GLIS3: variants seen among roughly 807,000 people sequenced by gnomAD.
The protein encoded by GLIS3 is zinc finger protein GLIS3.
In GLIS3, 53 loss-of-function variants were observed where a neutral mutation model predicts 78.6. The observed-to-expected ratio is 0.67, with a 90% CI of 0.54 to 0.85. The LOEUF is 0.85. Ranked by LOEUF, GLIS3 falls within the 40% of genes least tolerant of loss-of-function variation. The pLI, the probability that GLIS3 is intolerant of heterozygous loss-of-function variation, is 0.00. For missense variants in GLIS3, 1,703 were observed against 1,231.1 expected (o/e 1.38, Z -5.74); for synonymous variants, 684 against 509.9 (o/e 1.34, Z -4.60).
chr9:4,437,716 C>A, the GLIS3 span, among the ~76,000 whole-genome samples: 1 of 152,088 alleles, frequency 6.6e-6, no homozygotes, highest in African/African-American at 2.4e-5. Context: ...CTCCCTCTGC[C>A]ACCTCTGAAA....
chr9:4,366,817 G>A, the GLIS3 span, among the ~76,000 whole-genome samples: 1 of 152,166 alleles, frequency 6.6e-6, no homozygotes, highest in Non-Finnish European at 1.5e-5. Flanking sequence ...CTTGTCACTG[G>A]AAAATGGCCA....
chr9:4,276,618 C>T (rs1827054506), intron 2 of GLIS3, among the ~76,000 whole-genome samples: 1 of 151,876 alleles, frequency 6.6e-6, no homozygotes, highest in South Asian at 2.1e-4. Context: ...TCCATTTCTG[C>T]TTCATGTCCT....
the GLIS3 span, among the ~76,000 whole-genome samples, chr9:4,396,926 C>T: frequency 2.0e-5 from 3 of 151,988 alleles, no homozygotes; most frequent in African/African-American, 7.2e-5. Context: ...TCTGGGAAAA[C>T]GCCCAGGCAC....
chr9:4,188,879 TTCTC>T (rs1157427939), intron 2 of GLIS3, among the ~76,000 whole-genome samples: 4 of 152,186 alleles, frequency 2.6e-5, no homozygotes, highest in Non-Finnish European at 5.9e-5. Flanking sequence ...TATTTCACTC[TTCTC>T]TCTTTTTTTC....
At chr9:4,310,376 G>A (rs1817330452) in intron 3 of GLIS3, 1 of 152,136 alleles carries the variant, frequency 6.6e-6, no homozygotes, top group East Asian at 1.9e-4. Context: ...GTGAATGGGG[G>A]ATAAAGAAAA....
In GLIS3 at chr9:3,981,769, T is replaced by C. The variant is rs893755296; in HGVS notation, c.1711-44580A>G. Among the ~76,000 whole-genome samples, 29 of 152,180 alleles carry C rather than the reference T, an allele frequency of 1.9e-4. 2 individuals are homozygous for C. The highest frequency in any genetic ancestry group is 1.6e-3 in the Admixed American group (25 of 15,278). Reference sequence around the variant, plus strand: ...GAAGACATCATACTAATACTTTTCATGAGACCTCTTGTAGCATATAACCTT... The same window carrying C: ...GAAGACATCATACTAATACTTTTCACGAGACCTCTTGTAGCATATAACCTT... On this transcript the variant is annotated intron_variant, in intron 4 of 10. Transcript: ENST00000381971.
intron 2 of GLIS3, among the ~76,000 whole-genome samples, chr9:4,330,899 G>A (rs1486472099): frequency 3.9e-5 from 6 of 152,188 alleles, no homozygotes; most frequent in Non-Finnish European, 8.8e-5. Flanking sequence ...TGCCATTAGA[G>A]CAAGCACTGT....
chr9:4,384,134 CTG>C, the GLIS3 span, among the ~76,000 whole-genome samples: 1 of 152,220 alleles, frequency 6.6e-6, no homozygotes, highest in East Asian at 1.9e-4. Context: ...GCCCAGCACA[CTG>C]TACACAGATC....
rs1817846206 is a variant in GLIS3 at position 3,828,396 on chromosome 9, G to T, written c.2669C>A (p.Pro890His). ...CCCAAAGAGGCTCGAGGAACTTGAAGGTAAATCATACACTGGAAGAGAAAG... is the reference window on the plus strand; with the variant it reads ...CCCAAAGAGGCTCGAGGAACTTGAATGTAAATCATACACTGGAAGAGAAAG... ...THSGITVYDL[P>H]SSSSSLFGES... is the part of the protein sequence containing the mutation. Residue 890 changes from proline (P) to histidine (H), a missense_variant, in exon 11 of 11, where the codon CCT becomes CAT. Coordinates refer to ENST00000381971, the MANE Select transcript of GLIS3 (RefSeq NM_001042413.2). 6.2e-7 allele frequency: 1 copy of T among 1,613,218 alleles called. No individual in the cohort carries two copies. Among genetic ancestry groups the T allele is most frequent in the African/African-American group, 1.3e-5 (1 of 74,922 alleles).
chr9:4,412,955 G>A, the GLIS3 span, among the ~76,000 whole-genome samples: 1 of 152,190 alleles, frequency 6.6e-6, no homozygotes, highest in Non-Finnish European at 1.5e-5. Flanking sequence ...ACCACGTGGA[G>A]CACAGTCTCT....
At chr9:3,929,331 C>T (rs551205028) in intron 6 of GLIS3, among the ~76,000 whole-genome samples, 2 of 152,184 alleles carry the variant, frequency 1.3e-5, no homozygotes, top group Admixed American at 6.5e-5. Flanking sequence ...CATTCCTTTG[C>T]AGAAGAGTTT....
At chr9:4,031,545 T>C (rs1324879276) in intron 4 of GLIS3, among the ~76,000 whole-genome samples, 1 of 152,236 alleles carries the variant, frequency 6.6e-6, no homozygotes, top group African/African-American at 2.4e-5. Context: ...TGATAATGTT[T>C]CAAAACTTGA....
In GLIS3 at chr9:3,998,577, C is replaced by T. The variant is rs540088844; in HGVS notation, c.1711-61388G>A. On this transcript the variant is annotated intron_variant, in intron 4 of 10. Coordinates refer to ENST00000381971, the MANE Select transcript of GLIS3 (RefSeq NM_001042413.2). ...AAGATTTCTTTGCAGATTTTTTGTC[C>T]TTAAAATTTGTCCCACAAAAATATA... 2.6e-5 allele frequency among the ~76,000 whole-genome samples: 4 copies of T among 151,406 alleles called. No individual in the cohort carries two copies. The East Asian group carries it at 7.7e-4, about 29-fold the overall frequency.
intron 2 of GLIS3, among the ~76,000 whole-genome samples, chr9:4,277,325 G>C: frequency 6.6e-6 from 1 of 152,160 alleles, no homozygotes; most frequent in Non-Finnish European, 1.5e-5. Context: ...CTAACCAACT[G>C]ACCAAGCAAG....
intron 4 of GLIS3, among the ~76,000 whole-genome samples, chr9:4,106,725 T>C (rs1041514536): frequency 1.3e-5 from 2 of 152,158 alleles, no homozygotes; most frequent in Non-Finnish European, 2.9e-5. Flanking sequence ...TTCAGGGTCT[T>C]AGTAAAATAG....
chr9:3,850,314 GC>G (rs534031597), intron 9 of GLIS3, among the ~76,000 whole-genome samples: 40 of 152,308 alleles, frequency 2.6e-4, no homozygotes, highest in Non-Finnish European at 5.3e-4. Context: ...CTGGGAGGGA[GC>G]CCCCTGGGAC....
At chr9:3,864,686 A>G (rs559481791) in intron 8 of GLIS3, among the ~76,000 whole-genome samples, 1 of 152,334 alleles carries the variant, frequency 6.6e-6, no homozygotes, top group South Asian at 2.1e-4. Flanking sequence ...ATTGAATGTC[A>G]GGTGCAGGAA....
chr9:4,123,029 T>A lies in GLIS3; in HGVS notation c.596+2705A>T, dbSNP rs1449140705. 2.0e-5 allele frequency among the ~76,000 whole-genome samples: 3 copies of A among 152,060 alleles called. No individual in the cohort carries two copies. In the East Asian group the frequency reaches 5.8e-4, roughly 29 times the overall value. ...GCAGGATTCTTATTATTGGATTAAATAGAATCCAACAAAGCTAAGGAAAAA... is the reference window on the plus strand; with the variant it reads ...GCAGGATTCTTATTATTGGATTAAAAAGAATCCAACAAAGCTAAGGAAAAA... On this transcript the variant is annotated intron_variant, in intron 3 of 10. Coordinates refer to ENST00000381971, the MANE Select transcript of GLIS3 (RefSeq NM_001042413.2).
At chr9:4,488,485 A>T in the GLIS3 span, among the ~76,000 whole-genome samples, 1 of 150,646 alleles carries the variant, frequency 6.6e-6, no homozygotes, top group African/African-American at 2.4e-5. Context: ...CTGTTTTTTT[A>T]CTGTGGGACA....
Sources: allele counts gnomAD v4.1 joint callset (sites outside exome capture counted in the v4.1 genomes callset), GRCh38; gene constraint gnomAD v4.1.1; transcripts MANE v1.5; gene names NCBI Gene and HGNC (gene_info 2026-07-23, HGNC 2026-07-21).